The following NPL variants were observed in gnomAD, a reference collection of about 807,000 sequenced individuals.
The protein encoded by NPL is N-acetylneuraminate lyase.
NPL carries 32 observed loss-of-function variants against 41.1 expected under a neutral mutation model. The ratio of observed to expected loss-of-function variants is 0.78; its 90% CI spans 0.59 to 1.05. The LOEUF is 1.05. Ranked by LOEUF, NPL falls within the 50% of genes least tolerant of loss-of-function variation. The pLI, the probability that NPL is intolerant of heterozygous loss-of-function variation, is 0.00. For synonymous variants in NPL, 128 were observed against 134.9 expected (o/e 0.95, Z 0.35); for missense variants, 321 against 378.4 (o/e 0.85, Z 1.26).
chr1:182,807,125 AC>A (rs1667037484), intron 5 of NPL, among the ~76,000 whole-genome samples: 1 of 152,170 alleles, frequency 6.6e-6, no homozygotes, highest in Non-Finnish European at 1.5e-5. Flanking sequence ...GGTGTAAGCC[AC>A]CACACCCGGC....
intron 4 of NPL, among the ~76,000 whole-genome samples, chr1:182,805,343 A>G (rs367715598): frequency 5.3e-5 from 8 of 152,228 alleles, no homozygotes; most frequent in Non-Finnish European, 4.4e-5. Flanking sequence ...AGGCAGGAGA[A>G]TCACTTGAAC....
At chr1:182,817,888 A>C (rs867623401) in intron 8 of NPL, among the ~76,000 whole-genome samples, 5 of 152,152 alleles carry the variant, frequency 3.3e-5, no homozygotes, top group African/African-American at 1.2e-4. Flanking sequence ...TGTCCTTTTA[A>C]GTTTCTATGG....
intron 11 of NPL, among the ~76,000 whole-genome samples, chr1:182,823,662 C>T (rs993927311): frequency 7.9e-5 from 12 of 152,200 alleles, no homozygotes; most frequent in African/African-American, 2.7e-4. Context: ...AAGGTTATTT[C>T]TGAAAATTCT....
rs75718985 is a variant in NPL at position 182,802,572 on chromosome 1, G to A, written c.69-1126G>A. On this transcript the variant is annotated intron_variant, in intron 3 of 12. Transcript: ENST00000367553. ...GGATTCTCTGGCCCTACAGACAAAA[G>A]TGCGGTGGCAGCCAGCTAGCACTCT... 2.0e-3 allele frequency among the ~76,000 whole-genome samples: 299 copies of A among 152,264 alleles called. 10 individuals carry two copies. In the East Asian group the frequency reaches 0.051, roughly 26 times the overall value.
rs960075880 is a variant in NPL at position 182,825,826 on chromosome 1, T to C, written c.778+6T>C. 3.1e-6 allele frequency: 5 copies of C among 1,599,928 alleles called. No homozygotes were observed. The African/African-American group carries it at 6.7e-5, about 21-fold the overall frequency. On this transcript the variant is annotated splice_donor_region_variant and intron_variant, in intron 12 of 12. Coordinates refer to ENST00000367553, the MANE Select transcript of NPL (RefSeq NM_030769.3). ...CAACTTTGTTGTCAAACTAGGTAAG[T>C]GCCACCCATCTTCTGCTTTGTCTGC...
intron 5 of NPL, among the ~76,000 whole-genome samples, chr1:182,806,865 G>A (rs1667028041): frequency 6.6e-6 from 1 of 152,048 alleles, no homozygotes; most frequent in Non-Finnish European, 1.5e-5. Context: ...TTCTTGAGAC[G>A]GAGTCTTGCT....
chr1:182,825,941 C>A, intron 12 of NPL, 121 bp downstream of exon 12: 1 of 838,174 alleles, frequency 1.2e-6, no homozygotes, highest in South Asian at 1.3e-5. Context: ...AAGCAGAGTT[C>A]TGTTTCCCTT....
rs568534206 is a variant in NPL, at chr1:182,823,956, G to A, written c.738+1757G>A. On this transcript the variant is annotated intron_variant, in intron 11 of 12. Transcript: ENST00000367553. The stretch of plus-strand genomic sequence containing the variant: ...TTCTTAAGAAAGCACGTGTGAGTGA[G>A]TCTTATTTACTCAGTACATAATTTC... Among the ~76,000 whole-genome samples, 35 of 152,344 alleles carry A rather than the reference G, an allele frequency of 2.3e-4. No homozygotes were observed. In the South Asian group the frequency reaches 7.2e-3, roughly 32 times the overall value.
intron 3 of NPL, among the ~76,000 whole-genome samples, chr1:182,796,026 T>C (rs1297375205): frequency 1.3e-5 from 2 of 152,156 alleles, no homozygotes; most frequent in African/African-American, 2.4e-5. Flanking sequence ...CCAGATCCCA[T>C]GATAGAGATA....
intron 3 of NPL, among the ~76,000 whole-genome samples, chr1:182,802,865 G>A (rs1230098199): frequency 6.6e-6 from 1 of 152,194 alleles, no homozygotes; most frequent in Non-Finnish European, 1.5e-5. Context: ...CGGCGATCTT[G>A]TTAAAATTCA....
chr1:182,813,576 A>G (rs1289064599), intron 6 of NPL, among the ~76,000 whole-genome samples: 1 of 152,168 alleles, frequency 6.6e-6, no homozygotes, highest in Non-Finnish European at 1.5e-5. Flanking sequence ...GTATAATACA[A>G]ATTTTAAAAT....
At position 182,818,563 on chromosome 1, in the gene NPL, T is replaced by C. The variant is rs772717890; in HGVS notation, c.480T>C (p.Asp160=). Residue 160 remains aspartate, a synonymous_variant, in exon 9 of 13, where the codon GAT becomes GAC. Coordinates refer to ENST00000367553, the MANE Select transcript of NPL (RefSeq NM_030769.3). ...CAGTTCGTGCTGAGGAGTTGTTGGA[T>C]GGGATTCTGGATAAGATCCCCACCT... The part of the protein sequence containing the change: ...GVKIRAEELL[D]GILDKIPTFQ... The C allele has an allele frequency of 1.9e-6, 3 of 1,614,198 alleles. No homozygotes were observed. The highest frequency in any genetic ancestry group is 2.5e-6 in the Non-Finnish European group (3 of 1,180,026).
intron 12 of NPL, chr1:182,826,677 T>C (rs1667638879): frequency 6.6e-6 from 1 of 152,236 alleles, no homozygotes; most frequent in South Asian, 2.1e-4. Context: ...TATTGTTCCA[T>C]TTTTCTAAGC....
At chr1:182,804,923 A>G (rs148543158) in intron 4 of NPL, among the ~76,000 whole-genome samples, 115 of 152,318 alleles carry the variant, frequency 7.5e-4, no homozygotes, top group Middle Eastern at 3.4e-3. Flanking sequence ...GGTATGAGGA[A>G]AAAGCAGGAA....
intron 10 of NPL, among the ~76,000 whole-genome samples, chr1:182,821,448 A>G (rs997487720): frequency 2.6e-5 from 4 of 152,162 alleles, no homozygotes; most frequent in Admixed American, 1.3e-4. Flanking sequence ...TTGAATTGTT[A>G]TAGAAGACAA....
At chr1:182,824,684 C>G (rs951626427) in intron 11 of NPL, among the ~76,000 whole-genome samples, 4 of 152,036 alleles carry the variant, frequency 2.6e-5, no homozygotes, top group Non-Finnish European at 4.4e-5. Context: ...GTAGTCCCAG[C>G]TACTTGGGAG....
intron 3 of NPL, among the ~76,000 whole-genome samples, chr1:182,798,544 T>A (rs550766784): frequency 1.3e-5 from 2 of 152,284 alleles, no homozygotes; most frequent in African/African-American, 4.8e-5. Flanking sequence ...GCTTTCCTTA[T>A]TTGTTCTAAG....
In NPL at chr1:182,829,275, T is replaced by A. The variant is rs765548378; in HGVS notation, c.*367T>A. The stretch of plus-strand genomic sequence containing the variant: ...TTAAAGTTGTCTAATTTTAAACCAC[T>A]ATAATATGTCTTCATTTTAATAAAT... On this transcript the variant is annotated 3_prime_UTR_variant, in exon 13 of 13. Transcript: ENST00000367553. 5.0e-6 allele frequency: 6 copies of A among 1,190,638 alleles called. No homozygotes were observed. Among genetic ancestry groups the A allele is most frequent in the Non-Finnish European group, 6.3e-6 (6 of 957,424 alleles). 73.8% of individuals were successfully genotyped at this position (1,190,638 alleles called of 1,614,324 possible).
At chr1:182,797,318 G>C (rs1666702977) in intron 3 of NPL, among the ~76,000 whole-genome samples, 1 of 152,136 alleles carries the variant, frequency 6.6e-6, no homozygotes, top group African/African-American at 2.4e-5. Flanking sequence ...TATGGCCCAT[G>C]GACCAGTTGC....
Sources: gnomAD v4.1 joint callset for allele counts (sites outside exome capture counted in the v4.1 genomes callset) on GRCh38, gnomAD v4.1.1 for gene constraint, MANE v1.5 for transcripts, NCBI Gene and HGNC (gene_info 2026-07-23, HGNC 2026-07-21) for gene names.